Variants in INPP5E observed in about 807,000 individuals in gnomAD.
The protein encoded by INPP5E is inositol polyphosphate-5-phosphatase E, also known as phosphatidylinositol polyphosphate 5-phosphatase type IV.
INPP5E carries 34 observed loss-of-function variants against 50.5 expected under a neutral mutation model. That is an observed-to-expected ratio of 0.67 (90% CI 0.51 to 0.90). The LOEUF (loss-of-function observed/expected upper bound fraction) is 0.90. Among genes scored for constraint, INPP5E ranks in the 40% least tolerant of loss-of-function variants. The probability of loss-of-function intolerance (pLI) is 0.00; values close to 1 mark genes in which losing one functional copy is unlikely to be tolerated. For synonymous variants in INPP5E, 447 were observed against 406.0 expected (o/e 1.10, Z -1.21); for missense variants, 942 against 905.5 (o/e 1.04, Z -0.52).
At chr9:136,430,518 C>T (rs1835676212) in intron 8 of INPP5E, 105 bp from the exon 9 acceptor site, 1 of 1,363,136 alleles carries the variant, frequency 7.3e-7, no homozygotes, top group African/African-American at 1.4e-5. Context: ...ACAAGGAAGC[C>T]TTCTGGGACC....
Position 136,429,742 on chromosome 9 carries a change from G to T in INPP5E, c.1868C>A (p.Ser623Ter). The change falls in exon 10 of 10, where the codon TCG becomes TAG. Residue 623 changes from serine (S) to a stop codon, truncating the protein, a stop_gained. Coordinates refer to ENST00000371712, the MANE Select transcript of INPP5E (RefSeq NM_019892.6). LOFTEE classifies it low-confidence loss of function (END_TRUNC). Reference sequence around the variant, plus strand: ...TGCTTGCTGCCTCTGAATCTCCTTCGAAATCCGTCTTTTAATTCCTAGTAA... The same window carrying T: ...TGCTTGCTGCCTCTGAATCTCCTTCTAAATCCGTCTTTTAATTCCTAGTAA... ...LYLLGIKRRI[S>*]KEIQRQQALQ... 6.2e-7 allele frequency: 1 copy of T among 1,613,908 alleles called. No homozygotes were observed. Among genetic ancestry groups the T allele is most frequent in the Non-Finnish European group, 8.5e-7 (1 of 1,179,942 alleles).
In INPP5E at chr9:136,439,302, G is replaced by A. The variant is rs1247021274; in HGVS notation, c.118C>T (p.Pro40Ser). 2 of 1,416,542 alleles carry A rather than the reference G, an allele frequency of 1.4e-6. No homozygotes were observed. Among genetic ancestry groups the A allele is most frequent in the Non-Finnish European group, 1.8e-6 (2 of 1,095,070 alleles). 87.7% of individuals were successfully genotyped at this position (1,416,542 alleles called of 1,614,324 possible). A position where few individuals can be genotyped will look rare whatever the true frequency, so the allele number is the denominator to read the frequency against. Residue 40 changes from proline (P) to serine (S), a missense_variant, in exon 1 of 10, where the codon CCC (proline) becomes TCC (serine). Physicochemically the swap from Pro to Ser is moderately conservative, Grantham distance 74 (BLOSUM62 -1). Transcript: ENST00000371712. ...GGGCTCTCGGAGCCCGGAGCATCGG[G>A]TGGGGACCCCGCGCGCTGGGCCGGC... ...APPAQRAGSP[P>S]DAPGSESPAL...
chr9:136,437,954 C>T (rs888004753), intron 1 of INPP5E: 1 of 154,470 alleles, frequency 6.5e-6, no homozygotes, highest in African/African-American at 2.4e-5. Context: ...AGTGGCTAAA[C>T]GAAAGTAGCC....
At chr9:136,432,055 G>A in intron 6 of INPP5E, 70 bp from the exon 7 acceptor site, 3 of 1,591,422 alleles carry the variant, frequency 1.9e-6, no homozygotes, top group Middle Eastern at 1.7e-4. Context: ...CCCAGAACAT[G>A]GCCTGGGAGT....
At position 136,434,050 on chromosome 9, in the gene INPP5E, C is replaced by A; in HGVS notation, c.1021G>T (p.Gly341Cys). ...QDLYVIGVQE[G>C]CSDRREWETR... Reference sequence around the variant, plus strand: ...CAGCCGCCCTACCTGTCAGAACAGCCCTCCTGGACCCCGATGACATACAGG... The same window carrying A: ...CAGCCGCCCTACCTGTCAGAACAGCACTCCTGGACCCCGATGACATACAGG... Residue 341 changes from glycine (G) to cysteine (C), a missense_variant, in exon 3 of 10, where the codon GGC (glycine) becomes TGC (cysteine). Physicochemically the swap from Gly to Cys is radical, Grantham distance 159. Transcript: ENST00000371712. 1.2e-6 allele frequency: 2 copies of A among 1,608,890 alleles called. No individual in the cohort carries two copies. Among genetic ancestry groups the A allele is most frequent in the Non-Finnish European group, 1.7e-6 (2 of 1,178,784 alleles).
At chr9:136,438,429 C>T (rs1835882989) in intron 1 of INPP5E, 179 bp downstream of exon 1, 1 of 647,048 alleles carries the variant, frequency 1.5e-6, no homozygotes, top group Admixed American at 2.4e-5. Flanking sequence ...AGGAAAAGTT[C>T]TGGGAAGGGC....
intron 6 of INPP5E, 87 bp downstream of exon 6, chr9:136,432,392 C>G (rs931300824): frequency 9.3e-6 from 8 of 859,304 alleles, no homozygotes; most frequent in Admixed American, 8.0e-5. Context: ...GCTCAGGACG[C>G]TGCCTCTTCA....
At position 136,439,663 on chromosome 9, in the gene INPP5E, A is replaced by T. The variant is rs1588841208; in HGVS notation, c.-244T>A. 3.1e-6 allele frequency: 1 copy of T among 326,972 alleles called. No individual in the cohort carries two copies. The allele number at this position is 326,972 out of a possible 1,614,324, so 20.3% of individuals were successfully genotyped here. A position where few individuals can be genotyped will look rare whatever the true frequency, so the allele number is the denominator to read the frequency against. On this transcript the variant is annotated 5_prime_UTR_variant, in exon 1 of 10. Transcript: ENST00000371712. ...CGGTCCGCAGGCAAGGCCTGGGGGA[A>T]CAGGCGGCTGGGCGCCTGTCGCGGG...
In INPP5E at chr9:136,429,316, T is replaced by A. The variant is rs945646224; in HGVS notation, c.*359A>T. 14 of 393,670 alleles carry A rather than the reference T, an allele frequency of 3.6e-5. No homozygotes were observed. The highest frequency in any genetic ancestry group is 7.3e-5 in the Admixed American group (2 of 27,568). The allele number at this position is 393,670 out of a possible 1,614,324, so 24.4% of individuals were successfully genotyped here. A position where few individuals can be genotyped will look rare whatever the true frequency, so the allele number is the denominator to read the frequency against. On this transcript the variant is annotated 3_prime_UTR_variant, in exon 10 of 10. Transcript: ENST00000371712. The stretch of plus-strand genomic sequence containing the variant: ...GAGGCTGGTGCAGAGCACGGGGGTG[T>A]TGGGGGGCTCTGTGACTGCCCCCAG...
chr9:136,438,997 G>A lies in INPP5E; in HGVS notation c.423C>T (p.Pro141=). ...CACTGCTCAGGACCCCGCGGGACTT[G>A]GGGATTTCCTGCAAGGAGGTGCTCA... ...PCLSTSLQEI[P]KSRGVLSSER... Residue 141 remains proline, a synonymous_variant, in exon 1 of 10, where the codon CCC becomes CCT. Transcript: ENST00000371712. 6 of 1,587,060 alleles carry A rather than the reference G, an allele frequency of 3.8e-6. No homozygotes were observed. The highest frequency in any genetic ancestry group is 5.1e-6 in the Non-Finnish European group (6 of 1,167,476).
chr9:136,432,688 A>C, intron 5 of INPP5E, 102 bp from the exon 6 acceptor site: 1 of 946,536 alleles, frequency 1.1e-6, no homozygotes, highest in Non-Finnish European at 1.6e-6. Flanking sequence ...CACCCCCGGC[A>C]GACGCAACCC....
chr9:136,430,439 G>A lies in INPP5E; in HGVS notation c.1666-26C>T, dbSNP rs761647354. Reference sequence around the variant, plus strand: ...CTTTGGGAAGATTGCAGAGGCAGGAGGTCCAGTTACTTGTGAGGAGCCGTG... The same window carrying A: ...CTTTGGGAAGATTGCAGAGGCAGGAAGTCCAGTTACTTGTGAGGAGCCGTG... On this transcript the variant is annotated intron_variant, in intron 8 of 9. Transcript: ENST00000371712. 18 of 1,552,700 alleles carry A rather than the reference G, an allele frequency of 1.2e-5. No individual in the cohort carries two copies. In the South Asian group the frequency reaches 2.0e-4, roughly 17 times the overall value.
intron 1 of INPP5E, among the ~76,000 whole-genome samples, chr9:136,435,093 C>A (rs1835801259): frequency 6.6e-6 from 1 of 152,230 alleles, no homozygotes; most frequent in Non-Finnish European, 1.5e-5. Flanking sequence ...CCCTACCTCC[C>A]GGGAAGAGGC....
At position 136,431,018 on chromosome 9, in the gene INPP5E, C is replaced by G. The variant is rs1310853922; in HGVS notation, c.1649G>C (p.Arg550Thr). The stretch of plus-strand genomic sequence containing the variant: ...AGGCCTCACCGTGTATGAGGGCGTC[C>G]TCTGCTTGGAGGTGCTGTCGTACGT... The part of the protein sequence containing the change: ...KDTYDSTSKQ[R>T]TPSYTDRVLY... Residue 550 changes from arginine (R) to threonine (T), a missense_variant, in exon 8 of 10, where the codon AGG (arginine) becomes ACG (threonine). Physicochemically the swap from Arg to Thr is moderately conservative, Grantham distance 71 (BLOSUM62 -1). Transcript: ENST00000371712. The G allele has an allele frequency of 1.2e-6, 2 of 1,612,040 alleles. No individual in the cohort carries two copies. The highest frequency in any genetic ancestry group is 2.7e-5 in the African/African-American group (2 of 74,752).
Position 136,432,527 on chromosome 9 carries a change from C to A in INPP5E, c.1339G>T (p.Val447Phe). 6.4e-7 allele frequency: 1 copy of A among 1,551,578 alleles called. No homozygotes were observed. Among genetic ancestry groups the A allele is most frequent in the Non-Finnish European group, 8.7e-7 (1 of 1,147,338 alleles). ...LDYTRTVQALVLPRNVPDTNP... is the reference protein window; with the variant it reads ...LDYTRTVQALFLPRNVPDTNP... ...GTGTCGGGCACATTTCTGGGCAGGACCAGGGCTTGTACAGTCCTGGTGTAG... is the reference window on the plus strand; with the variant it reads ...GTGTCGGGCACATTTCTGGGCAGGAACAGGGCTTGTACAGTCCTGGTGTAG... The change falls in exon 6 of 10, where the codon GTC becomes TTC. Residue 447 changes from valine (V) to phenylalanine (F), a missense_variant. Physicochemically the swap from Val to Phe is conservative, Grantham distance 50. Transcript: ENST00000371712.
chr9:136,430,340 T>C lies in INPP5E; in HGVS notation c.1739A>G (p.Lys580Arg). ...ATACACAGGGCGGTGGTCGGACGTC[T>C]TGATCCCGGGGCAGGAAGAGTAGCT... ...PVSYSSCPGI[K>R]TSDHRPVYGL... The change falls in exon 9 of 10, where the codon AAG becomes AGG. Residue 580 changes from lysine to arginine, a missense_variant. By Grantham distance (26) the Lys-to-Arg change is conservative (BLOSUM62 2). Coordinates refer to ENST00000371712, the MANE Select transcript of INPP5E (RefSeq NM_019892.6). 1 of 1,553,530 alleles carries C rather than the reference T, an allele frequency of 6.4e-7. No homozygotes were observed. The highest frequency in any genetic ancestry group is 1.2e-5 in the South Asian group (1 of 84,170).
rs1468971331 is a variant in INPP5E, at chr9:136,439,705, C to T, written c.-286G>A. 2 of 294,368 alleles carry T rather than the reference C, an allele frequency of 6.8e-6. No individual in the cohort carries two copies. Among genetic ancestry groups the T allele is most frequent in the Non-Finnish European group, 1.3e-5 (2 of 159,750 alleles). The allele number at this position is 294,368 out of a possible 1,614,324, so 18.2% of individuals were successfully genotyped here. On this transcript the variant is annotated 5_prime_UTR_variant, in exon 1 of 10. Transcript: ENST00000371712. ...TGTCGCGGGGGAGGTTCGACCCCGA[C>T]GGGGACGCCGCTCGGGGAGAGGGGT...
In INPP5E at chr9:136,429,637, A is replaced by C; in HGVS notation, c.*38T>G. On this transcript the variant is annotated 3_prime_UTR_variant, in exon 10 of 10. Transcript: ENST00000371712. ...CCAGTGGGTTTTGATCAATACAATC[A>C]CCCCACGTTGCAGCTGTGAGTCCTC... The C allele has an allele frequency of 1.2e-6, 2 of 1,612,144 alleles. No individual in the cohort carries two copies. Among genetic ancestry groups the C allele is most frequent in the Non-Finnish European group, 8.5e-7 (1 of 1,179,648 alleles).
intron 1 of INPP5E, chr9:136,438,327 C>T (rs941941764): frequency 1.8e-6 from 1 of 565,418 alleles, no homozygotes; most frequent in Admixed American, 3.0e-5. Flanking sequence ...CAAGACTAAA[C>T]AAGAAAAAGC....
Sources: allele counts gnomAD v4.1 joint callset (sites outside exome capture counted in the v4.1 genomes callset), GRCh38; gene constraint gnomAD v4.1.1; transcripts MANE v1.5; gene names NCBI Gene and HGNC (gene_info 2026-07-23, HGNC 2026-07-21).